The following GRIN2B variants were observed in gnomAD, a reference collection of about 807,000 sequenced individuals.
The protein encoded by GRIN2B is glutamate ionotropic receptor NMDA type subunit 2B.
In GRIN2B, 5 loss-of-function variants were observed where a neutral mutation model predicts 114.5. That is an observed-to-expected ratio of 0.04 (90% CI 0.02 to 0.09). The LOEUF (loss-of-function observed/expected upper bound fraction) is 0.09, where lower values mean the gene tolerates loss of function less well. Among genes scored for constraint, GRIN2B ranks in the 10% least tolerant of loss-of-function variants. The probability of loss-of-function intolerance (pLI) is 1.00; values close to 1 mark genes in which losing one functional copy is unlikely to be tolerated. For synonymous variants in GRIN2B, 787 were observed against 745.1 expected, an observed-to-expected ratio of 1.06 and a Z score of -0.92; for missense variants, 1,108 against 1,943.5, an observed-to-expected ratio of 0.57 and a Z score of 8.08.
At chr12:13,936,901 GA>G (rs201912217) in intron 2 of GRIN2B, among the ~76,000 whole-genome samples, 20 of 148,446 alleles carry the variant, frequency 1.3e-4, no homozygotes, top group South Asian at 6.4e-4. Flanking sequence ...TAACTGAAAT[GA>G]AAAAAAAAAT....
chr12:13,782,266 AGGT>A (rs1360102812), intron 3 of GRIN2B, among the ~76,000 whole-genome samples: 1 of 152,074 alleles, frequency 6.6e-6, no homozygotes, highest in Non-Finnish European at 1.5e-5. Flanking sequence ...AAAGGAAAAA[AGGT>A]GGCCACTCAG....
chr12:13,846,369 T>C (rs557069374), intron 3 of GRIN2B, among the ~76,000 whole-genome samples: 2 of 152,248 alleles, frequency 1.3e-5, no homozygotes, highest in African/African-American at 2.4e-5. Flanking sequence ...CTACTCTCTT[T>C]CCTTCTATTT....
At chr12:13,803,851 T>C (rs1231601453) in intron 3 of GRIN2B, among the ~76,000 whole-genome samples, 3 of 152,192 alleles carry the variant, frequency 2.0e-5, no homozygotes, top group East Asian at 1.9e-4. Context: ...TGAGCTGATG[T>C]AGCGAGTCAA....
At chr12:13,975,347 TAA>T (rs1272590836) in intron 2 of GRIN2B, among the ~76,000 whole-genome samples, 1 of 152,188 alleles carries the variant, frequency 6.6e-6, no homozygotes, top group Non-Finnish European at 1.5e-5. Flanking sequence ...TAATATACGA[TAA>T]AGTTAGAGCA....
chr12:13,935,884 A>G (rs1298062034), intron 2 of GRIN2B, among the ~76,000 whole-genome samples: 1 of 152,178 alleles, frequency 6.6e-6, no homozygotes, highest in Admixed American at 6.5e-5. Context: ...GCGGCATAAG[A>G]CTTTGTTTCC....
At chr12:13,662,713 G>C (rs930963635) in intron 5 of GRIN2B, among the ~76,000 whole-genome samples, 2 of 152,042 alleles carry the variant, frequency 1.3e-5, no homozygotes, top group African/African-American at 2.4e-5. Flanking sequence ...AAACCCAATC[G>C]GCCTCGTGTC....
At chr12:13,946,441 C>T (rs1379520127) in intron 2 of GRIN2B, among the ~76,000 whole-genome samples, 1 of 151,834 alleles carries the variant, frequency 6.6e-6, no homozygotes, top group African/African-American at 2.4e-5. Context: ...ACATTGAATT[C>T]CTCTTCCATC....
At chr12:13,763,120 T>C (rs988810430) in intron 3 of GRIN2B, among the ~76,000 whole-genome samples, 4 of 145,078 alleles carry the variant, frequency 2.8e-5, no homozygotes, top group Admixed American at 6.9e-5. Flanking sequence ...AGAGACAGAT[T>C]AAAAAAAAAA....
rs1475419720 is a variant in GRIN2B, at chr12:13,754,265, T to C, written c.412-350A>G. Among the ~76,000 whole-genome samples the C allele has an allele frequency of 3.3e-5, 5 of 152,156 alleles. No homozygotes were observed. The East Asian group carries it at 5.8e-4, about 18-fold the overall frequency. ...ATATGAAGAGTCACATAGTGTAGAATAAAGGCTCTAAACGGCCTCATGTCA... is the reference window on the plus strand; with the variant it reads ...ATATGAAGAGTCACATAGTGTAGAACAAAGGCTCTAAACGGCCTCATGTCA... On this transcript the variant is annotated intron_variant, in intron 3 of 13. Coordinates refer to ENST00000609686, the MANE Select transcript of GRIN2B (RefSeq NM_000834.5).
intron 3 of GRIN2B, among the ~76,000 whole-genome samples, chr12:13,761,704 G>T (rs2136637407): frequency 6.6e-6 from 1 of 152,216 alleles, no homozygotes; most frequent in Non-Finnish European, 1.5e-5. Flanking sequence ...ATTAAGAGGT[G>T]CCTTTCTATA....
intron 2 of GRIN2B, among the ~76,000 whole-genome samples, chr12:13,871,827 T>C (rs1865914034): frequency 1.3e-5 from 2 of 151,860 alleles, no homozygotes; most frequent in African/African-American, 4.8e-5. Context: ...CCATTTAATG[T>C]GTAATATATA....
intron 4 of GRIN2B, among the ~76,000 whole-genome samples, chr12:13,679,734 C>A (rs1950110757): frequency 6.6e-6 from 1 of 152,060 alleles, no homozygotes; most frequent in Non-Finnish European, 1.5e-5. Flanking sequence ...GAGCAAGATG[C>A]CCTTTGAATA....
intron 2 of GRIN2B, among the ~76,000 whole-genome samples, chr12:13,972,356 G>A (rs76860638): frequency 0.014 from 2,089 of 152,184 alleles, 47 homozygotes; most frequent in African/African-American, 0.048. Context: ...CAGAGTCAAC[G>A]GTTTGTACAT....
rs1369749247 is a variant in GRIN2B at position 13,689,586 on chromosome 12, C to A, written c.1011-13727G>T. On this transcript the variant is annotated intron_variant, in intron 4 of 13. Coordinates refer to ENST00000609686, the MANE Select transcript of GRIN2B (RefSeq NM_000834.5). ...ATACTTGCAACAGCCTCCTCCTGGG[C>A]CCTTTGCCTTATATCATTGCCACCC... 5.3e-5 allele frequency among the ~76,000 whole-genome samples: 8 copies of A among 152,250 alleles called. No individual in the cohort carries two copies. In the East Asian group the frequency reaches 1.4e-3, roughly 26 times the overall value.
chr12:13,576,536 TTTC>T (rs1948779500), intron 10 of GRIN2B, among the ~76,000 whole-genome samples: 1 of 128,008 alleles, frequency 7.8e-6, no homozygotes, highest in African/African-American at 3.2e-5. Flanking sequence ...TACTCTTTAT[TTTC>T]TTTTTTCTTT....
chr12:13,780,156 C>A (rs574427695), intron 3 of GRIN2B, among the ~76,000 whole-genome samples: 1 of 152,184 alleles, frequency 6.6e-6, no homozygotes, highest in East Asian at 1.9e-4. Flanking sequence ...TAGATGATAC[C>A]TTTCCTGGCC....
intron 2 of GRIN2B, among the ~76,000 whole-genome samples, chr12:13,866,863 G>A (rs182984132): frequency 6.6e-6 from 1 of 152,280 alleles, no homozygotes; most frequent in Non-Finnish European, 1.5e-5. Flanking sequence ...TCCTTACAAT[G>A]ACCCAGTAGG....
At chr12:13,876,399 C>G (rs925118108) in intron 2 of GRIN2B, among the ~76,000 whole-genome samples, 5 of 152,184 alleles carry the variant, frequency 3.3e-5, no homozygotes, top group African/African-American at 1.2e-4. Flanking sequence ...AGACAAGGAG[C>G]TTCTGTTGAC....
At chr12:13,878,445 G>C (rs1199038845) in intron 2 of GRIN2B, among the ~76,000 whole-genome samples, 1 of 152,206 alleles carries the variant, frequency 6.6e-6, no homozygotes, top group Non-Finnish European at 1.5e-5. Flanking sequence ...GCTCCAGGAT[G>C]CCAGTTCATT....
Sources: gnomAD v4.1 joint callset for allele counts (sites outside exome capture counted in the v4.1 genomes callset) on GRCh38, gnomAD v4.1.1 for gene constraint, MANE v1.5 for transcripts, NCBI Gene and HGNC (gene_info 2026-07-23, HGNC 2026-07-21) for gene names.